SNX8: variants seen among roughly 807,000 people sequenced by gnomAD.
The protein encoded by SNX8 is sorting nexin-8.
In SNX8, 25 loss-of-function variants were observed where a neutral mutation model predicts 51.6. That is an observed-to-expected ratio of 0.48 (90% CI 0.35 to 0.68). SNX8 has a LOEUF of 0.68. SNX8 is among the 30% of genes least tolerant of loss of function. SNX8 has a pLI of 0.00. For synonymous variants in SNX8, 324 were observed against 277.0 expected (o/e 1.17, Z -1.68); for missense variants, 695 against 624.0 (o/e 1.11, Z -1.21).
intron 4 of SNX8, among the ~76,000 whole-genome samples, chr7:2,270,363 C>T (rs960201403): frequency 7.7e-6 from 1 of 130,030 alleles, no homozygotes; most frequent in African/African-American, 2.9e-5. Context: ...CAGCATGGTG[C>T]GTGCCTGTAG....
At chr7:2,302,944 A>T (rs867837391) in intron 1 of SNX8, among the ~76,000 whole-genome samples, 1 of 141,522 alleles carries the variant, frequency 7.1e-6, no homozygotes, top group Non-Finnish European at 1.5e-5. Flanking sequence ...CTCTCCGCCC[A>T]GCAGCCACCC....
intron 1 of SNX8, among the ~76,000 whole-genome samples, chr7:2,307,272 G>T (rs1216510600): frequency 9.2e-6 from 1 of 109,186 alleles, no homozygotes; most frequent in African/African-American, 3.2e-5. Context: ...CTGGTTATGT[G>T]ATTTTTTTTT....
At chr7:2,350,258 GA>G (rs1297749161) in intron 1 of SNX8, among the ~76,000 whole-genome samples, 1 of 152,172 alleles carries the variant, frequency 6.6e-6, no homozygotes, top group Non-Finnish European at 1.5e-5. Flanking sequence ...TAGAGACGTT[GA>G]GGCTCTCTTG....
chr7:2,293,594 G>A (rs1796203181), intron 1 of SNX8, among the ~76,000 whole-genome samples: 1 of 151,682 alleles, frequency 6.6e-6, no homozygotes, highest in Admixed American at 6.6e-5. Flanking sequence ...CCCAGGAGGT[G>A]ATGGTTGCAG....
In SNX8 at chr7:2,269,539, G is replaced by GAA. The variant is rs746486273; in HGVS notation, c.621+18_621+19dup. ...AAAATAAATTAAAAAAAAAAAAAAA[G>GAA]AAAAAAAAAAGAAAAATACCTTGGC... On this transcript the variant is annotated intron_variant, in intron 5 of 10. Transcript: ENST00000222990. 37 of 1,004,566 alleles carry GAA rather than the reference G, an allele frequency of 3.7e-5. No individual in the cohort carries two copies. Among genetic ancestry groups the GAA allele is most frequent in the Admixed American group, 1.3e-4 (4 of 31,768 alleles). 62.2% of individuals were successfully genotyped at this position (1,004,566 alleles called of 1,614,324 possible).
At chr7:2,304,990 T>G (rs1371147983) in intron 1 of SNX8, among the ~76,000 whole-genome samples, 1 of 152,212 alleles carries the variant, frequency 6.6e-6, no homozygotes, top group East Asian at 1.9e-4. Context: ...GAGAGCTGCT[T>G]TTGGCTTTTG....
intron 1 of SNX8, among the ~76,000 whole-genome samples, chr7:2,342,345 A>G (rs1016125813): frequency 6.6e-6 from 1 of 151,286 alleles, no homozygotes; most frequent in Non-Finnish European, 1.5e-5. Flanking sequence ...AATAATCTCA[A>G]GGGTTTTATT....
chr7:2,350,609 G>A (rs1308208034), intron 1 of SNX8, among the ~76,000 whole-genome samples: 1 of 152,026 alleles, frequency 6.6e-6, no homozygotes, highest in Non-Finnish European at 1.5e-5. Context: ...TTCAAGACCA[G>A]CTTGGGCTAA....
At chr7:2,338,355 G>C (rs1197749226) in intron 1 of SNX8, among the ~76,000 whole-genome samples, 2 of 151,988 alleles carry the variant, frequency 1.3e-5, no homozygotes, top group African/African-American at 2.4e-5. Flanking sequence ...CCAGCTACTC[G>C]GGAGGCTGAG....
At chr7:2,323,809 TTTTG>T (rs1160554403) in intron 1 of SNX8, among the ~76,000 whole-genome samples, 1 of 152,116 alleles carries the variant, frequency 6.6e-6, no homozygotes, top group Non-Finnish European at 1.5e-5. Flanking sequence ...CTTCTTGGTT[TTTTG>T]TTTTTGTTTT....
rs562243267 is a variant in SNX8, at chr7:2,253,873, C to G, written c.*1183G>C. 3 of 152,414 alleles carry G rather than the reference C, an allele frequency of 2.0e-5. No individual in the cohort carries two copies. Among genetic ancestry groups the G allele is most frequent in the South Asian group, 2.1e-4 (1 of 4,824 alleles). The allele number at this position is 152,414 out of a possible 1,614,324, so 9.4% of individuals were successfully genotyped here. A position where few individuals can be genotyped will look rare whatever the true frequency, so the allele number is the denominator to read the frequency against. On this transcript the variant is annotated 3_prime_UTR_variant, in exon 11 of 11. Transcript: ENST00000222990. ...GAGCATCTGCGGAGCGGAGGGACCTCGGAAACCCTGGAGCCCGGCGGGCCT... is the reference window on the plus strand; with the variant it reads ...GAGCATCTGCGGAGCGGAGGGACCTGGGAAACCCTGGAGCCCGGCGGGCCT...
chr7:2,264,630 G>T (rs1795422396), intron 5 of SNX8, among the ~76,000 whole-genome samples, 172 bp from the exon 6 acceptor site: 1 of 152,140 alleles, frequency 6.6e-6, no homozygotes, highest in African/African-American at 2.4e-5. Context: ...GTCCAAAAAA[G>T]AAACAAAAAC....
intron 1 of SNX8, among the ~76,000 whole-genome samples, chr7:2,349,366 CTTTTT>C (rs750904628): frequency 2.0e-5 from 3 of 151,888 alleles, no homozygotes; most frequent in South Asian, 2.1e-4. Context: ...AATTATTTTC[CTTTTT>C]TAAGTGTTAT....
intron 1 of SNX8, among the ~76,000 whole-genome samples, chr7:2,321,168 C>A (rs182965630): frequency 6.6e-6 from 1 of 152,332 alleles, no homozygotes; most frequent in Admixed American, 6.5e-5. Flanking sequence ...AATTCTCACA[C>A]ACGCAGAATA....
chr7:2,282,140 T>C (rs1365529848), intron 1 of SNX8, among the ~76,000 whole-genome samples: 1 of 152,156 alleles, frequency 6.6e-6, no homozygotes, highest in East Asian at 1.9e-4. Context: ...AAACATTCAA[T>C]AAGTGTCCCT....
chr7:2,278,763 C>T (rs1363805799), intron 1 of SNX8, among the ~76,000 whole-genome samples: 1 of 72,780 alleles, frequency 1.4e-5, no homozygotes, highest in Non-Finnish European at 2.7e-5. Context: ...AAGCCGGACT[C>T]ACTCACACTA....
upstream of SNX8, among the ~76,000 whole-genome samples, chr7:2,317,633 C>T (rs1796778102): frequency 6.6e-6 from 1 of 151,922 alleles, no homozygotes; most frequent in African/African-American, 2.4e-5. Flanking sequence ...ATTACAGAAC[C>T]AAGAGCCCAG....
chr7:2,288,611 C>G (rs1287335038), intron 1 of SNX8, among the ~76,000 whole-genome samples: 1 of 152,102 alleles, frequency 6.6e-6, no homozygotes, highest in African/African-American at 2.4e-5. Context: ...ATGAGTGCCC[C>G]AGGGCCATCG....
upstream of SNX8, among the ~76,000 whole-genome samples, chr7:2,315,109 C>T (rs1584734680): frequency 6.6e-6 from 1 of 150,766 alleles, no homozygotes; most frequent in East Asian, 2.0e-4. Flanking sequence ...TCCACTCACA[C>T]ACTCACCGCA....
Sources: allele counts gnomAD v4.1 joint callset (sites outside exome capture counted in the v4.1 genomes callset), GRCh38; gene constraint gnomAD v4.1.1; transcripts MANE v1.5; gene names NCBI Gene and HGNC (gene_info 2026-07-23, HGNC 2026-07-21).